The following OPA1 variants were observed in gnomAD, a reference collection of about 807,000 sequenced individuals.
OPA1 encodes the protein OPA1 mitochondrial dynamin like GTPase, also known as dynamin-like GTPase OPA1, mitochondrial.
A neutral mutation model predicts 152.9 loss-of-function variants in OPA1; 59 were observed. That is an observed-to-expected ratio of 0.39 (90% CI 0.31 to 0.48). The LOEUF is 0.48. OPA1 is among the 20% of genes least tolerant of loss of function. OPA1 has a pLI of 0.96. For missense variants in OPA1, 1,008 were observed against 1,216.8 expected (o/e 0.83, Z 2.55); for synonymous variants, 400 against 389.9 (o/e 1.03, Z -0.31).
At chr3:193,646,436 G>A (rs536323737) in intron 18 of OPA1, 1 of 152,492 alleles carries the variant, frequency 6.6e-6, no homozygotes, top group Admixed American at 6.5e-5. Context: ...AAATTAGTTG[G>A]AATTAAATTA....
chr3:193,627,190 TATCTC>T (rs891610027), intron 7 of OPA1: 2 of 152,208 alleles, frequency 1.3e-5, no homozygotes, highest in Non-Finnish European at 2.9e-5. Flanking sequence ...TGGCTAACCT[TATCTC>T]ATTTGGTGGT....
intron 8 of OPA1, among the ~76,000 whole-genome samples, chr3:193,634,463 G>A (rs1054094262): frequency 6.6e-6 from 1 of 151,754 alleles, no homozygotes; most frequent in African/African-American, 2.4e-5. Flanking sequence ...TCTTCGCCAG[G>A]CTGGAGTGCA....
intron 11 of OPA1, among the ~76,000 whole-genome samples, chr3:193,639,675 T>TA (rs1733464197): frequency 6.6e-6 from 1 of 152,170 alleles, no homozygotes; most frequent in East Asian, 1.9e-4. Flanking sequence ...CCGTTTTAAG[T>TA]AAAATGGAAA....
intron 29 of OPA1, among the ~76,000 whole-genome samples, chr3:193,673,180 G>A (rs1718301316): frequency 6.6e-6 from 1 of 152,152 alleles, no homozygotes; most frequent in South Asian, 2.1e-4. Context: ...GAATCATTTG[G>A]GAGGGAGTAA....
chr3:193,617,667 C>T lies in OPA1; in HGVS notation c.557-117C>T, dbSNP rs1001310766. ...TAGCATTTATTAAGTTTAATCCTGG[C>T]ATATTTGCCCAATTATTGCCCTATC... is the stretch of plus-strand genomic sequence containing the variant. On this transcript the variant is annotated intron_variant, in intron 4 of 30. Transcript: ENST00000361510. 2.3e-5 allele frequency: 18 copies of T among 775,466 alleles called. No homozygotes were observed. The African/African-American group carries it at 2.9e-4, about 12-fold the overall frequency. 48.0% of individuals were successfully genotyped at this position (775,466 alleles called of 1,614,324 possible). A position where few individuals can be genotyped will look rare whatever the true frequency, so the allele number is the denominator to read the frequency against.
chr3:193,598,617 CAA>C (rs912086649), intron 1 of OPA1, among the ~76,000 whole-genome samples: 1 of 152,022 alleles, frequency 6.6e-6, no homozygotes, highest in African/African-American at 2.4e-5. Context: ...AGAATGTTTG[CAA>C]AAGAGTTATT....
At chr3:193,635,568 C>T (rs772494754) in intron 9 of OPA1, 46 bp downstream of exon 9, 107 of 1,119,418 alleles carry the variant, frequency 9.6e-5, no homozygotes, top group East Asian at 2.1e-4. Context: ...TACCGCTTAA[C>T]GTTGTGTGTT....
chr3:193,667,306 C>G (rs771223065), intron 29 of OPA1, 26 bp downstream of exon 29: 7 of 969,134 alleles, frequency 7.2e-6, no homozygotes, highest in Non-Finnish European at 1.2e-5. Context: ...TGCCCTCTAC[C>G]TTACTACCTT....
At chr3:193,659,989 T>A (rs112579606) in intron 25 of OPA1, among the ~76,000 whole-genome samples, 3,892 of 151,850 alleles carry the variant, frequency 0.026, 54 homozygotes, top group Non-Finnish European at 0.03. Context: ...TTACTAAAAG[T>A]CAAAAAAAAT....
chr3:193,668,777 T>G, intron 29 of OPA1: 1 of 1,209,924 alleles, frequency 8.3e-7, no homozygotes, highest in East Asian at 5.2e-5. Flanking sequence ...AATAATCACT[T>G]TGTCACTGTT....
intron 30 of OPA1, among the ~76,000 whole-genome samples, chr3:193,694,045 GTC>G (rs1204441865): frequency 6.6e-6 from 1 of 152,142 alleles, no homozygotes; most frequent in East Asian, 1.9e-4. Flanking sequence ...ACATAATGGT[GTC>G]TCTCCCCTCA....
intron 6 of OPA1, chr3:193,624,085 C>T (rs1047018270): frequency 6.6e-6 from 1 of 152,478 alleles, no homozygotes; most frequent in African/African-American, 2.4e-5. Context: ...GAGTATTTAC[C>T]ATGCAGTTGT....
At chr3:193,600,791 C>T (rs947563710) in intron 1 of OPA1, among the ~76,000 whole-genome samples, 2 of 152,180 alleles carry the variant, frequency 1.3e-5, no homozygotes, top group African/African-American at 2.4e-5. Context: ...CCCAAGCTTG[C>T]CATTCACCAC....
At chr3:193,675,034 C>G (rs560476954) in intron 29 of OPA1, among the ~76,000 whole-genome samples, 1 of 152,190 alleles carries the variant, frequency 6.6e-6, no homozygotes, top group African/African-American at 2.4e-5. Context: ...ATTTTTCATG[C>G]TATTAATTGG....
chr3:193,626,286 T>C, intron 7 of OPA1, 84 bp downstream of exon 7: 1 of 915,662 alleles, frequency 1.1e-6, no homozygotes, highest in Non-Finnish European at 1.8e-6. Context: ...AATCTGTTCA[T>C]GGACTCCAAA....
intron 19 of OPA1, 68 bp downstream of exon 19, chr3:193,647,248 A>G (rs920889013): frequency 7.2e-6 from 7 of 967,932 alleles, no homozygotes; most frequent in South Asian, 5.5e-5. Flanking sequence ...TTTGGCATCC[A>G]TACGATTCTG....
chr3:193,654,780 A>G, intron 21 of OPA1, 82 bp from the exon 22 acceptor site: 1 of 1,387,056 alleles, frequency 7.2e-7, no homozygotes, highest in Non-Finnish European at 1.0e-6. Context: ...AGTTTATTAT[A>G]AGTTAATGAT....
chr3:193,615,194 G>T (rs1728829834), intron 2 of OPA1, among the ~76,000 whole-genome samples, 153 bp downstream of exon 2: 1 of 152,190 alleles, frequency 6.6e-6, no homozygotes, highest in Admixed American at 6.5e-5. Flanking sequence ...GATGCTAATA[G>T]GAAGATGCCT....
intron 29 of OPA1, among the ~76,000 whole-genome samples, chr3:193,674,469 C>G (rs902533586): frequency 4.6e-5 from 7 of 152,154 alleles, no homozygotes; most frequent in Non-Finnish European, 8.8e-5. Flanking sequence ...GCAAGGTGAC[C>G]TAATACTGCC....
Sources: allele counts gnomAD v4.1 joint callset (sites outside exome capture counted in the v4.1 genomes callset), GRCh38; gene constraint gnomAD v4.1.1; transcripts MANE v1.5; gene names NCBI Gene and HGNC (gene_info 2026-07-23, HGNC 2026-07-21).